DPP10: variants seen among roughly 807,000 people sequenced by gnomAD.
DPP10 encodes dipeptidyl peptidase like 10.
Under a neutral mutation model 120.9 loss-of-function variants are expected in DPP10, and 33 were observed. The observed-to-expected ratio is 0.27, with a 90% confidence interval of 0.21 to 0.37. The LOEUF (loss-of-function observed/expected upper bound fraction) is 0.37. Ranked by LOEUF, DPP10 falls within the 10% of genes least tolerant of loss-of-function variation. The probability of loss-of-function intolerance (pLI) is 1.00; values close to 1 mark genes in which losing one functional copy is unlikely to be tolerated. For missense variants in DPP10, 816 were observed against 942.8 expected, an observed-to-expected ratio of 0.87 and a Z score of 1.76; for synonymous variants, 337 against 326.1, an observed-to-expected ratio of 1.03 and a Z score of -0.36.
At chr2:115,270,199 C>G (rs556398993) in intron 1 of DPP10, among the ~76,000 whole-genome samples, 1 of 151,924 alleles carries the variant, frequency 6.6e-6, no homozygotes, top group African/African-American at 2.4e-5. Context: ...TAGTCACTCT[C>G]TGGGAAAGCT....
intron 2 of DPP10, among the ~76,000 whole-genome samples, chr2:115,310,716 A>C (rs562062909): frequency 1.6e-4 from 24 of 152,324 alleles, no homozygotes; most frequent in Non-Finnish European, 3.2e-4. Context: ...CATAATGCCA[A>C]GAATCATTGT....
At chr2:115,838,691 C>A (rs762292808) in intron 24 of DPP10, among the ~76,000 whole-genome samples, 3 of 152,138 alleles carry the variant, frequency 2.0e-5, no homozygotes, top group Non-Finnish European at 4.4e-5. Context: ...CTCACTCAGT[C>A]ACAGGCCTGG....
intron 1 of DPP10, among the ~76,000 whole-genome samples, chr2:114,510,584 C>G (rs1439231512): frequency 1.3e-5 from 2 of 152,072 alleles, no homozygotes; most frequent in Non-Finnish European, 2.9e-5. Flanking sequence ...GCCTGGGTGA[C>G]AGAGCAAGAC....
chr2:115,776,963 T>G (rs747369580), intron 13 of DPP10, among the ~76,000 whole-genome samples: 2 of 152,080 alleles, frequency 1.3e-5, no homozygotes, highest in South Asian at 2.1e-4. Flanking sequence ...ATGGTATACT[T>G]GATTCACCCT....
chr2:115,551,589 C>T (rs188652368), intron 5 of DPP10, among the ~76,000 whole-genome samples: 1 of 152,256 alleles, frequency 6.6e-6, no homozygotes, highest in East Asian at 1.9e-4. Context: ...TTACATTTCT[C>T]TTTATTCCTT....
At chr2:115,024,828 CAT>C (rs1221900464) in intron 1 of DPP10, among the ~76,000 whole-genome samples, 1 of 146,338 alleles carries the variant, frequency 6.8e-6, no homozygotes, top group African/African-American at 2.5e-5. Flanking sequence ...GCTGTATGGC[CAT>C]ATATGTGTGT....
At chr2:114,698,141 C>A (rs778816348) in intron 1 of DPP10, among the ~76,000 whole-genome samples, 1 of 152,010 alleles carries the variant, frequency 6.6e-6, no homozygotes, top group Non-Finnish European at 1.5e-5. Flanking sequence ...CATGAATTAA[C>A]CTTTGTGCCT....
chr2:115,209,747 T>C (rs1463233806), intron 1 of DPP10, among the ~76,000 whole-genome samples: 1 of 152,180 alleles, frequency 6.6e-6, no homozygotes. Flanking sequence ...CTGTGTTTCC[T>C]GGGAGAGGAA....
intron 1 of DPP10, among the ~76,000 whole-genome samples, chr2:114,645,883 AG>A (rs1696081083): frequency 6.6e-6 from 1 of 152,078 alleles, no homozygotes; most frequent in African/African-American, 2.4e-5. Context: ...GAGGAATTAA[AG>A]GGGGATAATG....
chr2:114,551,143 A>G (rs1434181478), intron 1 of DPP10, among the ~76,000 whole-genome samples: 1 of 152,138 alleles, frequency 6.6e-6, no homozygotes, highest in African/African-American at 2.4e-5. Flanking sequence ...CATGCTTGCT[A>G]TCAAGGATGA....
chr2:115,339,975 G>A (rs2063363800), intron 2 of DPP10, among the ~76,000 whole-genome samples: 1 of 152,136 alleles, frequency 6.6e-6, no homozygotes, highest in Non-Finnish European at 1.5e-5. Flanking sequence ...GGTTGATGGA[G>A]TATATCAATG....
chr2:114,809,876 C>T (rs990705870), intron 1 of DPP10, among the ~76,000 whole-genome samples: 13 of 152,150 alleles, frequency 8.5e-5, no homozygotes, highest in African/African-American at 1.4e-4. Flanking sequence ...TGCTATAAGA[C>T]GAGCTGTTCT....
intron 1 of DPP10, among the ~76,000 whole-genome samples, chr2:114,696,461 A>T (rs1206180738): frequency 6.6e-6 from 1 of 152,048 alleles, no homozygotes; most frequent in Non-Finnish European, 1.5e-5. Flanking sequence ...ATCCGTAAAG[A>T]CAATTCTTTT....
intron 1 of DPP10, among the ~76,000 whole-genome samples, chr2:115,114,810 G>C (rs928332838): frequency 6.6e-6 from 1 of 152,042 alleles, no homozygotes; most frequent in Non-Finnish European, 1.5e-5. Context: ...TATTCTGATT[G>C]TAACTTACCA....
intron 1 of DPP10, among the ~76,000 whole-genome samples, chr2:115,199,515 A>G (rs186652148): frequency 1.3e-5 from 2 of 152,212 alleles, no homozygotes; most frequent in East Asian, 3.9e-4. Context: ...TTGAACTACT[A>G]GTTCTTGGTT....
At chr2:114,945,370 G>T (rs2104601526) in intron 1 of DPP10, among the ~76,000 whole-genome samples, 1 of 152,256 alleles carries the variant, frequency 6.6e-6, no homozygotes, top group East Asian at 1.9e-4. Context: ...AATATACAAA[G>T]AAATCCTACA....
At chr2:115,760,675 T>C (rs2149785784) in intron 11 of DPP10, among the ~76,000 whole-genome samples, 1 of 152,338 alleles carries the variant, frequency 6.6e-6, no homozygotes, top group East Asian at 1.9e-4. Context: ...GCTCTTCTCA[T>C]TAAGCTTGTA....
chr2:115,254,461 C>A (rs542317062), intron 1 of DPP10, among the ~76,000 whole-genome samples: 1 of 152,104 alleles, frequency 6.6e-6, no homozygotes, highest in Non-Finnish European at 1.5e-5. Flanking sequence ...CATATTATTC[C>A]ACCCCTGGAC....
At chr2:115,812,856 T>C (rs1000551762) in intron 19 of DPP10, among the ~76,000 whole-genome samples, 1 of 151,686 alleles carries the variant, frequency 6.6e-6, no homozygotes, top group Admixed American at 6.6e-5. Flanking sequence ...TACTAAACTT[T>C]GGAAATATGG....
Sources: allele counts gnomAD v4.1 joint callset (sites outside exome capture counted in the v4.1 genomes callset), GRCh38; gene constraint gnomAD v4.1.1; transcripts MANE v1.5; gene names NCBI Gene and HGNC (gene_info 2026-07-23, HGNC 2026-07-21).